Variants in SPAG16 observed in about 807,000 individuals in gnomAD.
SPAG16 encodes sperm-associated antigen 16 protein.
A neutral mutation model predicts 80.4 loss-of-function variants in SPAG16; 86 were observed. The observed-to-expected ratio is 1.07, with a 90% CI of 0.90 to 1.28. The LOEUF (loss-of-function observed/expected upper bound fraction) is 1.28, where lower values mean the gene tolerates loss of function less well. Among genes scored for constraint, SPAG16 ranks in the 50% most tolerant of loss-of-function variants. The probability of loss-of-function intolerance (pLI) is 0.00; values close to 1 mark genes in which losing one functional copy is unlikely to be tolerated. For synonymous variants in SPAG16, 294 were observed against 265.9 expected (o/e 1.11, Z -1.03); for missense variants, 870 against 765.3 (o/e 1.14, Z -1.61).
intron 15 of SPAG16, among the ~76,000 whole-genome samples, chr2:214,206,183 A>AT (rs139038580): frequency 0.069 from 10,515 of 151,956 alleles, 497 homozygotes; most frequent in Non-Finnish European, 0.097. Context: ...TGTCTCAAAA[A>AT]ATATATATAT....
intron 10 of SPAG16, among the ~76,000 whole-genome samples, chr2:213,816,899 A>T (rs1310506635): frequency 1.3e-5 from 2 of 152,036 alleles, no homozygotes; most frequent in Non-Finnish European, 2.9e-5. Context: ...ATGCTCTAGA[A>T]ATATGATAAT....
At chr2:213,993,648 G>A (rs1331978092) in intron 12 of SPAG16, among the ~76,000 whole-genome samples, 7 of 152,110 alleles carry the variant, frequency 4.6e-5, no homozygotes, top group East Asian at 3.9e-4. Flanking sequence ...ATAGGAAAAC[G>A]GTGTTTTCTC....
intron 9 of SPAG16, among the ~76,000 whole-genome samples, chr2:213,456,587 C>T (rs1369181277): frequency 6.6e-6 from 1 of 151,868 alleles, no homozygotes; most frequent in South Asian, 2.1e-4. Context: ...TTTTTTATTT[C>T]TTAAATAATT....
intron 15 of SPAG16, among the ~76,000 whole-genome samples, chr2:214,260,668 C>T (rs920015160): frequency 1.3e-5 from 2 of 152,144 alleles, no homozygotes; most frequent in Non-Finnish European, 2.9e-5. Flanking sequence ...GTTCTTGTTC[C>T]TGTGTCCAGA....
intron 10 of SPAG16, among the ~76,000 whole-genome samples, chr2:213,555,502 C>T (rs113707447): frequency 0.019 from 2,831 of 152,296 alleles, 112 homozygotes; most frequent in African/African-American, 0.065. Context: ...TGAAAGTTTC[C>T]TGAAACTTCC....
intron 11 of SPAG16, among the ~76,000 whole-genome samples, chr2:213,870,081 C>T (rs1390773559): frequency 1.3e-5 from 2 of 152,072 alleles, no homozygotes; most frequent in African/African-American, 2.4e-5. Context: ...TCCTCTGTGT[C>T]GTTTGTATTC....
chr2:213,404,968 G>A (rs1437567095), intron 9 of SPAG16, among the ~76,000 whole-genome samples: 2 of 152,080 alleles, frequency 1.3e-5, no homozygotes, highest in Non-Finnish European at 2.9e-5. Flanking sequence ...TCTCCAAATT[G>A]CAGTTCTGGT....
chr2:213,813,503 A>C (rs920760143), intron 10 of SPAG16, among the ~76,000 whole-genome samples: 1 of 151,912 alleles, frequency 6.6e-6, no homozygotes, highest in African/African-American at 2.4e-5. Context: ...TGTCACACCC[A>C]CCTCTCATTG....
chr2:213,341,706 T>G (rs2064695785), intron 6 of SPAG16, among the ~76,000 whole-genome samples: 1 of 152,068 alleles, frequency 6.6e-6, no homozygotes. Context: ...TAAATTTTTT[T>G]GTTTTAATTT....
chr2:213,689,245 A>C (rs1195298597), intron 10 of SPAG16, among the ~76,000 whole-genome samples: 2 of 152,222 alleles, frequency 1.3e-5, no homozygotes, highest in Non-Finnish European at 2.9e-5. Context: ...GGCATGAGCC[A>C]CTGCTCCTGG....
intron 15 of SPAG16, among the ~76,000 whole-genome samples, chr2:214,302,161 A>AT (rs1694598890): frequency 6.6e-6 from 1 of 151,994 alleles, no homozygotes; most frequent in African/African-American, 2.4e-5. Flanking sequence ...TGTTATTTTG[A>AT]TTTTTTGAAC....
rs1418704556 is a variant in SPAG16 at position 213,314,413 on chromosome 2, GATAC to G, written c.399-2800_399-2797del. Among the ~76,000 whole-genome samples the G allele has an allele frequency of 2.1e-5, 3 of 144,706 alleles. No homozygotes were observed. In the East Asian group the frequency reaches 5.8e-4, roughly 28 times the overall value. 94.9% of individuals were successfully genotyped at this position (144,706 alleles called of 152,430 possible). ...TTTGTTAAAACAAAACAAAACAACA[GATAC>G]ATACAAACTGAAGCAAACCACAAAA... is the stretch of plus-strand genomic sequence containing the variant. On this transcript the variant is annotated intron_variant, in intron 4 of 15. Transcript: ENST00000331683.
At chr2:213,302,650 T>C (rs2126090617) in intron 3 of SPAG16, 1 of 151,922 alleles carries the variant, frequency 6.6e-6, no homozygotes, top group African/African-American at 2.4e-5. Flanking sequence ...TGTGTGTGTG[T>C]GTGTGTGTGT....
chr2:213,770,266 G>A (rs564065676), intron 10 of SPAG16, among the ~76,000 whole-genome samples: 11 of 151,784 alleles, frequency 7.2e-5, no homozygotes, highest in South Asian at 6.2e-4. Context: ...TTGTTTTTAC[G>A]GATATGTCAT....
At chr2:214,034,612 G>T (rs1266412213) in intron 13 of SPAG16, among the ~76,000 whole-genome samples, 1 of 152,234 alleles carries the variant, frequency 6.6e-6, no homozygotes, top group Non-Finnish European at 1.5e-5. Flanking sequence ...CTGCAGCGGG[G>T]TGGGCAGCTC....
chr2:214,059,954 C>G (rs867509878), intron 13 of SPAG16, among the ~76,000 whole-genome samples: 3 of 152,228 alleles, frequency 2.0e-5, no homozygotes, highest in African/African-American at 7.2e-5. Flanking sequence ...CCCCAGTCCC[C>G]TCTTTTTTTC....
chr2:213,764,226 A>G (rs2068812370), intron 10 of SPAG16, among the ~76,000 whole-genome samples: 1 of 152,160 alleles, frequency 6.6e-6, no homozygotes, highest in African/African-American at 2.4e-5. Flanking sequence ...TTTCTCCACC[A>G]CTTTGCCTTT....
At chr2:213,989,819 G>A (rs2046192283) in intron 12 of SPAG16, among the ~76,000 whole-genome samples, 1 of 152,010 alleles carries the variant, frequency 6.6e-6, no homozygotes, top group Non-Finnish European at 1.5e-5. Context: ...CTGTAGTTAT[G>A]TAAATGACAG....
chr2:213,787,206 G>A (rs952644142), intron 10 of SPAG16, among the ~76,000 whole-genome samples: 1 of 151,912 alleles, frequency 6.6e-6, no homozygotes, highest in Non-Finnish European at 1.5e-5. Context: ...TCCTGCACAC[G>A]TACCCTGGAA....
Sources: allele counts gnomAD v4.1 joint callset (sites outside exome capture counted in the v4.1 genomes callset), GRCh38; gene constraint gnomAD v4.1.1; transcripts MANE v1.5; gene names NCBI Gene and HGNC (gene_info 2026-07-23, HGNC 2026-07-21).